Variants in PALM2AKAP2 observed in about 807,000 individuals in gnomAD.
PALM2AKAP2 encodes PALM2 and AKAP2 fusion.
Under a neutral mutation model 71.5 loss-of-function variants are expected in PALM2AKAP2, and 37 were observed. The observed-to-expected ratio is 0.52, with a 90% confidence interval of 0.40 to 0.68. The LOEUF (loss-of-function observed/expected upper bound fraction) is 0.68, where lower values mean the gene tolerates loss of function less well. Ranked by LOEUF, PALM2AKAP2 falls within the 30% of genes least tolerant of loss-of-function variation. The pLI is 0.00. For synonymous variants in PALM2AKAP2, 468 were observed against 478.8 expected (o/e 0.98, Z 0.29); for missense variants, 1,224 against 1,191.8 (o/e 1.03, Z -0.40).
chr9:110,009,999 T>A (rs1191486142), intron 6 of PALM2AKAP2, among the ~76,000 whole-genome samples: 2 of 152,068 alleles, frequency 1.3e-5, no homozygotes, highest in Non-Finnish European at 2.9e-5. Flanking sequence ...CGCTAAGGAA[T>A]TGGAGCCTGG....
At chr9:109,937,291 C>T (rs1476033415) in intron 6 of PALM2AKAP2, among the ~76,000 whole-genome samples, 2 of 152,206 alleles carry the variant, frequency 1.3e-5, no homozygotes, top group African/African-American at 2.4e-5. Context: ...CTCCGCTCCA[C>T]ACCTGGGTGT....
At chr9:110,006,331 T>TTTCTTTCTTTCTTTCTTTCG (rs1405940302) in intron 6 of PALM2AKAP2, among the ~76,000 whole-genome samples, 2 of 124,370 alleles carry the variant, frequency 1.6e-5, no homozygotes, top group African/African-American at 6.4e-5. Context: ...CTTCTCTTTC[T>TTTCTTTCTTTCTTTCTTTCG]TTCTTTCTTT....
At chr9:109,882,007 C>T (rs1179234985) in intron 3 of PALM2AKAP2, among the ~76,000 whole-genome samples, 1 of 151,306 alleles carries the variant, frequency 6.6e-6, no homozygotes, top group East Asian at 1.9e-4. Flanking sequence ...CCTCAGCCTC[C>T]CGAGTAGCTG....
intron 1 of PALM2AKAP2, among the ~76,000 whole-genome samples, chr9:110,092,311 GAC>G (rs1483063694): frequency 6.6e-6 from 1 of 152,114 alleles, no homozygotes; most frequent in Non-Finnish European, 1.5e-5. Context: ...CAGTCTGAGT[GAC>G]AGAGTGAGAC....
At chr9:109,672,485 G>A (rs964609885) in intron 1 of PALM2AKAP2, among the ~76,000 whole-genome samples, 23 of 152,144 alleles carry the variant, frequency 1.5e-4, no homozygotes, top group Non-Finnish European at 2.9e-4. Flanking sequence ...TTTTTGATGT[G>A]CTGCTGGATT....
At chr9:109,785,005 C>T (rs1249656418) in intron 1 of PALM2AKAP2, among the ~76,000 whole-genome samples, 1 of 152,178 alleles carries the variant, frequency 6.6e-6, no homozygotes, top group Non-Finnish European at 1.5e-5. Flanking sequence ...TGTTGTGTCT[C>T]AGTGGAAACT....
At chr9:109,775,494 A>G (rs1829337463), upstream of PALM2AKAP2, among the ~76,000 whole-genome samples, 1 of 152,226 alleles carries the variant, frequency 6.6e-6, no homozygotes, top group South Asian at 2.1e-4. Context: ...CAAAGAGCTA[A>G]CAACCACAGG....
At chr9:109,914,739 T>C (rs995026609) in intron 3 of PALM2AKAP2, among the ~76,000 whole-genome samples, 2 of 152,200 alleles carry the variant, frequency 1.3e-5, no homozygotes, top group African/African-American at 4.8e-5. Context: ...TGAGTAGCAA[T>C]GTGTTTGGCT....
intron 1 of PALM2AKAP2, among the ~76,000 whole-genome samples, chr9:109,798,162 G>T (rs532143869): frequency 3.5e-4 from 54 of 152,262 alleles, no homozygotes; most frequent in South Asian, 1.0e-3. Flanking sequence ...GTCTGCCGGT[G>T]TGTCCAAATT....
chr9:109,656,508 A>G (rs982026955), intron 1 of PALM2AKAP2, among the ~76,000 whole-genome samples: 4 of 152,210 alleles, frequency 2.6e-5, no homozygotes, highest in Admixed American at 6.5e-5. Context: ...CTTAAGCTTC[A>G]GTGGGTCCAC....
intron 1 of PALM2AKAP2, among the ~76,000 whole-genome samples, chr9:109,756,025 T>C (rs1828958830): frequency 6.6e-6 from 1 of 152,168 alleles, no homozygotes. Context: ...CTTGTTCCCA[T>C]CTCTAGTTAT....
chr9:109,862,049 G>T (rs1316465514), intron 1 of PALM2AKAP2, among the ~76,000 whole-genome samples: 2 of 152,142 alleles, frequency 1.3e-5, no homozygotes, highest in African/African-American at 4.8e-5. Context: ...TCCTCAAGGA[G>T]CCCATAGTTT....
chr9:109,922,421 C>CAAAAAAAAAAAAA (rs398011831), intron 3 of PALM2AKAP2, among the ~76,000 whole-genome samples: 1 of 19,238 alleles, frequency 5.2e-5, no homozygotes, highest in Non-Finnish European at 8.9e-5. Context: ...GACTCTATCT[C>CAAAAAAAAAAAAA]AAAAAAAAAA....
chr9:110,134,991 A>C (rs530573626), intron 1 of PALM2AKAP2, among the ~76,000 whole-genome samples: 1 of 150,758 alleles, frequency 6.6e-6, no homozygotes, highest in African/African-American at 2.4e-5. Context: ...CCAAATAACA[A>C]AATTACATAG....
At chr9:110,108,417 T>G (rs148478688) in intron 1 of PALM2AKAP2, among the ~76,000 whole-genome samples, 204 of 152,308 alleles carry the variant, frequency 1.3e-3, no homozygotes, top group African/African-American at 4.6e-3. Flanking sequence ...CTGGCTGCCT[T>G]TTGTTTTTCT....
At chr9:109,647,659 T>C (rs1158313866) in intron 1 of PALM2AKAP2, among the ~76,000 whole-genome samples, 1 of 152,220 alleles carries the variant, frequency 6.6e-6, no homozygotes, top group African/African-American at 2.4e-5. Context: ...TAACTTGATG[T>C]ACATCATCAC....
At chr9:109,878,739 T>C (rs141810897) in intron 2 of PALM2AKAP2, among the ~76,000 whole-genome samples, 1 of 152,130 alleles carries the variant, frequency 6.6e-6, no homozygotes. Context: ...ATACTAAGTG[T>C]TGGTAATTTT....
In PALM2AKAP2 at chr9:109,999,285, G is replaced by T. The variant is rs145889492; in HGVS notation, c.497-16669G>T. On this transcript the variant is annotated intron_variant, in intron 6 of 9. Transcript: ENST00000302798. ...ACCTTGGAGGTGGAGATTACAGTGA[G>T]CCAAGATCACACCAAGATCACACCA... 9.4e-3 allele frequency among the ~76,000 whole-genome samples: 1,426 copies of T among 151,910 alleles called. 22 individuals carry two copies. Among genetic ancestry groups the T allele is most frequent in the African/African-American group, 0.033 (1,376 of 41,398 alleles).
At chr9:110,077,457 TAGAC>T (rs139116672) in intron 1 of PALM2AKAP2, among the ~76,000 whole-genome samples, 2,026 of 152,262 alleles carry the variant, frequency 0.013, 38 homozygotes, top group African/African-American at 0.047. Context: ...TGAGAAACCT[TAGAC>T]AGAAAGCGGG....
Sources: gnomAD v4.1 joint callset for allele counts (sites outside exome capture counted in the v4.1 genomes callset) on GRCh38, gnomAD v4.1.1 for gene constraint, MANE v1.5 for transcripts, NCBI Gene and HGNC (gene_info 2026-07-23, HGNC 2026-07-21) for gene names.